EPB41L5: variants seen among roughly 807,000 people sequenced by gnomAD.
EPB41L5 encodes erythrocyte membrane protein band 4.1 like 5, also known as band 4.1-like protein 5.
Under a neutral mutation model 106.6 loss-of-function variants are expected in EPB41L5, and 55 were observed. The ratio of observed to expected loss-of-function variants is 0.52; its 90% CI spans 0.42 to 0.65. The LOEUF (loss-of-function observed/expected upper bound fraction) is 0.65, where lower values mean the gene tolerates loss of function less well. EPB41L5 is among the 30% of genes least tolerant of loss of function. The pLI is 0.00. For missense variants in EPB41L5, 871 were observed against 882.1 expected, an observed-to-expected ratio of 0.99 and a Z score of 0.16; for synonymous variants, 297 against 306.7, an observed-to-expected ratio of 0.97 and a Z score of 0.33.
intron 18 of EPB41L5, among the ~76,000 whole-genome samples, chr2:120,136,509 G>A (rs1685931247): frequency 6.8e-6 from 1 of 146,792 alleles, no homozygotes; most frequent in South Asian, 2.1e-4. Context: ...CTGCCTACAA[G>A]ATGCACATTT....
At chr2:120,088,027 A>G (rs553262269) in intron 11 of EPB41L5, among the ~76,000 whole-genome samples, 1 of 152,184 alleles carries the variant, frequency 6.6e-6, no homozygotes, top group East Asian at 1.9e-4. Context: ...GCAAATTAAT[A>G]AATTTTAACA....
intron 18 of EPB41L5, among the ~76,000 whole-genome samples, chr2:120,139,986 T>C (rs1686101727): frequency 6.6e-6 from 1 of 152,072 alleles, no homozygotes; most frequent in Admixed American, 6.6e-5. Context: ...TATTCGGCCA[T>C]AAAAAGAATG....
At chr2:120,052,508 T>C (rs1038470609) in intron 3 of EPB41L5, among the ~76,000 whole-genome samples, 6 of 152,352 alleles carry the variant, frequency 3.9e-5, no homozygotes, top group Admixed American at 3.9e-4. Flanking sequence ...GTTGAGACTT[T>C]TCCTCATCAA....
rs1687924881 is a variant in EPB41L5 at position 120,176,550 on chromosome 2, A to G, written c.*1643A>G. ...TGCACAAAACATTTTTGCAGAAGGA[A>G]AGTCAACACTTCTTGCTGGCTGCCT... On this transcript the variant is annotated 3_prime_UTR_variant, in exon 25 of 25. Coordinates refer to ENST00000263713, the MANE Select transcript of EPB41L5 (RefSeq NM_020909.4). The G allele has an allele frequency of 6.6e-6, 1 of 152,056 alleles. No individual in the cohort carries two copies. The highest frequency in any genetic ancestry group is 1.5e-5 in the Non-Finnish European group (1 of 67,892). The allele number at this position is 152,056 out of a possible 1,614,324, so 9.4% of individuals were successfully genotyped here. A position where few individuals can be genotyped will look rare whatever the true frequency, so the allele number is the denominator to read the frequency against.
At chr2:120,034,717 T>C (rs1678933501) in intron 2 of EPB41L5, among the ~76,000 whole-genome samples, 1 of 151,736 alleles carries the variant, frequency 6.6e-6, no homozygotes, top group African/African-American at 2.4e-5. Context: ...ACACGAAAAT[T>C]AGCCAGGCAT....
chr2:120,129,229 G>A (rs1279553886), intron 17 of EPB41L5, among the ~76,000 whole-genome samples: 1 of 151,962 alleles, frequency 6.6e-6, no homozygotes, highest in African/African-American at 2.4e-5. Flanking sequence ...CCAGCTACTC[G>A]GGAGGCTGAG....
Position 120,030,906 on chromosome 2 carries a change from C to T in EPB41L5, c.181-11100C>T, listed in dbSNP as rs187864764. 8.3e-4 allele frequency among the ~76,000 whole-genome samples: 124 copies of T among 149,158 alleles called. 1 individual carries two copies. The highest frequency in any genetic ancestry group is 4.1e-3 in the Middle Eastern group (1 of 242). On this transcript the variant is annotated intron_variant, in intron 2 of 24. Coordinates refer to ENST00000263713, the MANE Select transcript of EPB41L5 (RefSeq NM_020909.4). ...ATTAATTTATTTAGAGACAGAGTTTCGCTGTCATTGCCCAGGCTGGAGTGC... is the reference window on the plus strand; with the variant it reads ...ATTAATTTATTTAGAGACAGAGTTTTGCTGTCATTGCCCAGGCTGGAGTGC...
intron 16 of EPB41L5, among the ~76,000 whole-genome samples, chr2:120,110,949 G>T (rs1684703201): frequency 6.6e-6 from 1 of 151,980 alleles, no homozygotes; most frequent in Non-Finnish European, 1.5e-5. Context: ...GCCCCCTGTT[G>T]TTAACACTCC....
chr2:120,117,668 C>T (rs1409569847), intron 16 of EPB41L5, among the ~76,000 whole-genome samples: 1 of 152,076 alleles, frequency 6.6e-6, no homozygotes, highest in East Asian at 1.9e-4. Flanking sequence ...ACACTTGGTG[C>T]AATAAAGTGC....
intron 16 of EPB41L5, among the ~76,000 whole-genome samples, chr2:120,126,984 T>C (rs1685483764): frequency 6.6e-6 from 1 of 152,190 alleles, no homozygotes; most frequent in Non-Finnish European, 1.5e-5. Context: ...TTAAATTTAT[T>C]CCTAAGTTTC....
rs1337118831 is a variant in EPB41L5 at position 120,177,848 on chromosome 2, T to C, written c.*2941T>C. 6.6e-6 allele frequency: 1 copy of C among 152,002 alleles called. No individual in the cohort carries two copies. The highest frequency in any genetic ancestry group is 1.5e-5 in the Non-Finnish European group (1 of 67,876). The allele number at this position is 152,002 out of a possible 1,614,324, so 9.4% of individuals were successfully genotyped here. A position where few individuals can be genotyped will look rare whatever the true frequency, so the allele number is the denominator to read the frequency against. The stretch of plus-strand genomic sequence containing the variant: ...TAAGGATGAAAGCCCTGAGTTGTTC[T>C]TGGGTTCTTGGATCTGGACTACTTG... On this transcript the variant is annotated 3_prime_UTR_variant, in exon 25 of 25. Coordinates refer to ENST00000263713, the MANE Select transcript of EPB41L5 (RefSeq NM_020909.4).
chr2:120,126,559 C>T (rs1685468092), intron 16 of EPB41L5, among the ~76,000 whole-genome samples: 1 of 152,050 alleles, frequency 6.6e-6, no homozygotes, highest in South Asian at 2.1e-4. Flanking sequence ...AAAAGCCTGT[C>T]TTTTCTCCTG....
chr2:120,116,109 C>A (rs751790217), intron 16 of EPB41L5, among the ~76,000 whole-genome samples: 4 of 152,114 alleles, frequency 2.6e-5, no homozygotes, highest in Non-Finnish European at 4.4e-5. Context: ...TACTGCCCAG[C>A]CTACAATTAA....
At chr2:120,022,617 A>G (rs1308393421) in intron 2 of EPB41L5, among the ~76,000 whole-genome samples, 1 of 152,098 alleles carries the variant, frequency 6.6e-6, no homozygotes, top group Non-Finnish European at 1.5e-5. Context: ...AGTCTTTGCT[A>G]TTGTGAATAG....
chr2:120,059,154 G>A (rs1680861250), intron 3 of EPB41L5, among the ~76,000 whole-genome samples: 1 of 152,164 alleles, frequency 6.6e-6, no homozygotes, highest in African/African-American at 2.4e-5. Flanking sequence ...TATGACCTCT[G>A]ATTTTTGTCA....
At chr2:120,137,392 C>T (rs2105482087) in intron 18 of EPB41L5, among the ~76,000 whole-genome samples, 1 of 151,062 alleles carries the variant, frequency 6.6e-6, no homozygotes, top group African/African-American at 2.4e-5. Flanking sequence ...GAAATTGAAA[C>T]CAAAAAATAC....
chr2:120,131,625 A>G lies in EPB41L5; in HGVS notation c.1509A>G (p.Lys503=). Residue 503 remains lysine (K), a synonymous_variant, in exon 18 of 25, where the codon AAA becomes AAG. Transcript: ENST00000263713. ...GEPEVEYETL[K]DTSEKLKQLE... ...TTTTTTTTTTCTTTTCAGCATTAAA[A>G]GACACCTCAGAGAAGCTCAAACAGC... 1 of 1,612,944 alleles carries G rather than the reference A, an allele frequency of 6.2e-7. No homozygotes were observed. The highest frequency in any genetic ancestry group is 8.5e-7 in the Non-Finnish European group (1 of 1,179,256).
chr2:120,066,628 A>G (rs1681460663), intron 3 of EPB41L5, among the ~76,000 whole-genome samples: 1 of 152,314 alleles, frequency 6.6e-6, no homozygotes, highest in African/African-American at 2.4e-5. Flanking sequence ...TTGAAGGCAC[A>G]TAGTTATTTT....
At position 120,160,987 on chromosome 2, in the gene EPB41L5, T is replaced by G. The variant is rs369360011; in HGVS notation, c.1887+13T>G. The G allele has an allele frequency of 2.9e-5, 46 of 1,606,448 alleles. No homozygotes were observed. Among genetic ancestry groups the G allele is most frequent in the African/African-American group, 4.0e-5 (3 of 74,734 alleles). On this transcript the variant is annotated intron_variant, in intron 21 of 24. Transcript: ENST00000263713. The stretch of plus-strand genomic sequence containing the variant: ...TTCTGTTCTAAAGGTAAGAATACTT[T>G]TACTTCTTAAAATTTTTGCCAAAGA...
Sources: allele counts gnomAD v4.1 joint callset (sites outside exome capture counted in the v4.1 genomes callset), GRCh38; gene constraint gnomAD v4.1.1; transcripts MANE v1.5; gene names NCBI Gene and HGNC (gene_info 2026-07-23, HGNC 2026-07-21).